TES: variants seen among roughly 807,000 people sequenced by gnomAD.
TES encodes the protein testin LIM domain protein.
In TES, 41 loss-of-function variants were observed where a neutral mutation model predicts 48.2. The ratio of observed to expected loss-of-function variants is 0.85; its 90% CI spans 0.66 to 1.10. The LOEUF (loss-of-function observed/expected upper bound fraction) is 1.10. Ranked by LOEUF, TES falls within the 50% of genes least tolerant of loss-of-function variation. The pLI is 0.00. For synonymous variants in TES, 162 were observed against 174.9 expected (o/e 0.93, Z 0.58); for missense variants, 463 against 515.1 (o/e 0.90, Z 0.98).
chr7:116,248,842 T>A (rs1451626519), intron 2 of TES, among the ~76,000 whole-genome samples, 178 bp from the exon 3 acceptor site: 1 of 152,180 alleles, frequency 6.6e-6, no homozygotes, highest in East Asian at 1.9e-4. Flanking sequence ...AGCAAAGTCG[T>A]GTTTTGTTTC....
chr7:116,248,938 G>T (rs1799962947), intron 2 of TES, 82 bp from the exon 3 acceptor site: 5 of 1,395,888 alleles, frequency 3.6e-6, no homozygotes, highest in Non-Finnish European at 4.8e-6. Context: ...AGGCCTAAAA[G>T]TATTTTATGA....
intron 1 of TES, among the ~76,000 whole-genome samples, chr7:116,214,357 G>GC (rs1188112949): frequency 6.6e-6 from 1 of 152,142 alleles, no homozygotes; most frequent in Non-Finnish European, 1.5e-5. Flanking sequence ...GCCTTAGGTA[G>GC]CCCCTGGTTG....
At chr7:116,215,002 C>T (rs1440221947) in intron 1 of TES, among the ~76,000 whole-genome samples, 1 of 152,178 alleles carries the variant, frequency 6.6e-6, no homozygotes, top group Non-Finnish European at 1.5e-5. Flanking sequence ...GTATGTTTCA[C>T]CTTCTTACCT....
rs988778667 is a variant in TES at position 116,227,513 on chromosome 7, C to A, written c.28-7021C>A. ...TCAAATTTTAAATCTTGTGTCAGATCTTAATAAAAATATATTGATTGGGTG... is the reference window on the plus strand; with the variant it reads ...TCAAATTTTAAATCTTGTGTCAGATATTAATAAAAATATATTGATTGGGTG... On this transcript the variant is annotated intron_variant, in intron 1 of 6. Transcript: ENST00000358204. Among the ~76,000 whole-genome samples the A allele has an allele frequency of 2.0e-5, 3 of 152,186 alleles. No individual in the cohort carries two copies. In the East Asian group the frequency reaches 5.8e-4, roughly 29 times the overall value.
chr7:116,254,747 A>AT (rs1554439731), intron 6 of TES, among the ~76,000 whole-genome samples: 4,162 of 108,910 alleles, frequency 0.038, 69 homozygotes, highest in Middle Eastern at 0.087. Flanking sequence ...TCTCAAAAAA[A>AT]ATATATATAT....
intron 1 of TES, among the ~76,000 whole-genome samples, chr7:116,227,542 G>A (rs1184857159): frequency 6.6e-6 from 1 of 152,094 alleles, no homozygotes; most frequent in East Asian, 1.9e-4. Context: ...TTGGGTGGGG[G>A]ACTTCACAGA....
intron 1 of TES, among the ~76,000 whole-genome samples, chr7:116,224,870 GA>G (rs3837139): frequency 0.52 from 78,877 of 150,978 alleles, 20,765 homozygotes; most frequent in East Asian, 0.7. Context: ...AGTTTGGAGG[GA>G]AAAAAAAACA....
At chr7:116,222,444 A>T (rs889118949) in intron 1 of TES, among the ~76,000 whole-genome samples, 2 of 152,162 alleles carry the variant, frequency 1.3e-5, no homozygotes, top group Admixed American at 1.3e-4. Flanking sequence ...ACACATCTGT[A>T]CTGCCGTCTT....
chr7:116,249,322 T>C, intron 3 of TES, 50 bp downstream of exon 3: 1 of 1,607,506 alleles, frequency 6.2e-7, no homozygotes, highest in East Asian at 2.2e-5. Flanking sequence ...CTGGAGTATT[T>C]ATTTGGGGCA....
chr7:116,222,947 C>T, intron 1 of TES: 1 of 983,704 alleles, frequency 1.0e-6, no homozygotes, highest in Non-Finnish European at 1.2e-6. Flanking sequence ...ATTTTTATAG[C>T]CCTACATTGT....
At chr7:116,222,940 T>G in intron 1 of TES, 1 of 981,988 alleles carries the variant, frequency 1.0e-6, no homozygotes, top group Non-Finnish European at 1.2e-6. Context: ...TTGTGACATT[T>G]TTATAGCCCT....
chr7:116,249,496 T>C (rs1057043597), intron 3 of TES: 2 of 501,764 alleles, frequency 4.0e-6, no homozygotes, highest in African/African-American at 3.8e-5. Context: ...TTTGAGGGAA[T>C]GGTCTAACGT....
intron 1 of TES, among the ~76,000 whole-genome samples, chr7:116,212,345 T>C (rs1799448310): frequency 1.3e-5 from 2 of 152,192 alleles, no homozygotes; most frequent in Non-Finnish European, 2.9e-5. Flanking sequence ...TATACATTAA[T>C]CAAAATCCAT....
chr7:116,236,390 T>C (rs1799771719), intron 2 of TES, among the ~76,000 whole-genome samples: 1 of 152,190 alleles, frequency 6.6e-6, no homozygotes, highest in Non-Finnish European at 1.5e-5. Context: ...CTTTGTGTCT[T>C]GTACAAAATT....
intron 2 of TES, among the ~76,000 whole-genome samples, chr7:116,235,452 GA>G (rs1180342338): frequency 6.6e-6 from 1 of 151,972 alleles, no homozygotes; most frequent in African/African-American, 2.4e-5. Flanking sequence ...ATTTTTTTAA[GA>G]AAAAAATTAA....
intron 2 of TES, 36 bp from the exon 3 acceptor site, chr7:116,248,984 C>T: frequency 2.0e-6 from 3 of 1,521,710 alleles, no homozygotes; most frequent in Non-Finnish European, 2.6e-6. Context: ...CAATTAGGTA[C>T]AATTAATCAT....
At chr7:116,249,476 T>C (rs534119850) in intron 3 of TES, 5 of 579,962 alleles carry the variant, frequency 8.6e-6, no homozygotes, top group African/African-American at 3.7e-5. Context: ...TCCCTAGATA[T>C]GTTTACCTTT....
chr7:116,230,004 C>G (rs1799677040), intron 1 of TES, among the ~76,000 whole-genome samples: 1 of 152,136 alleles, frequency 6.6e-6, no homozygotes, highest in Non-Finnish European at 1.5e-5. Context: ...AGTTTTGTAG[C>G]TATATACTTA....
Position 116,257,707 on chromosome 7 carries a change from C to T in TES, c.*225C>T. The T allele has an allele frequency of 5.5e-6, 2 of 366,936 alleles. No individual in the cohort carries two copies. The highest frequency in any genetic ancestry group is 9.7e-6 in the Non-Finnish European group (2 of 205,764). The allele number at this position is 366,936 out of a possible 1,614,324, so 22.7% of individuals were successfully genotyped here. A position where few individuals can be genotyped will look rare whatever the true frequency, so the allele number is the denominator to read the frequency against. On this transcript the variant is annotated 3_prime_UTR_variant, in exon 7 of 7. Coordinates refer to ENST00000358204, the MANE Select transcript of TES (RefSeq NM_015641.4). ...TTTGTAAAACAGTAAATAATTGTAT[C>T]TTTCCATAGCTTTTCAAATGTGAAA...
Sources: allele counts gnomAD v4.1 joint callset (sites outside exome capture counted in the v4.1 genomes callset), GRCh38; gene constraint gnomAD v4.1.1; transcripts MANE v1.5; gene names NCBI Gene and HGNC (gene_info 2026-07-23, HGNC 2026-07-21).